Variants in ATXN1 observed in about 807,000 individuals in gnomAD.
ATXN1 encodes ataxin 1.
Under a neutral mutation model 56.4 loss-of-function variants are expected in ATXN1, and 8 were observed. The ratio of observed to expected loss-of-function variants is 0.14; its 90% CI spans 0.08 to 0.26. The LOEUF is 0.26. Among genes scored for constraint, ATXN1 ranks in the 10% least tolerant of loss-of-function variants. The pLI is 1.00. For synonymous variants in ATXN1, 514 were observed against 494.6 expected, an observed-to-expected ratio of 1.04 and a Z score of -0.52; for missense variants, 987 against 1,106.5, an observed-to-expected ratio of 0.89 and a Z score of 1.53.
chr6:16,686,583 A>G (rs191356121), intron 2 of ATXN1, among the ~76,000 whole-genome samples: 1 of 152,326 alleles, frequency 6.6e-6, no homozygotes, highest in Non-Finnish European at 1.5e-5. Context: ...ATTCTTGACC[A>G]CTCGAGCTAC....
chr6:16,451,235 A>G (rs1395007263), intron 6 of ATXN1, among the ~76,000 whole-genome samples: 1 of 152,246 alleles, frequency 6.6e-6, no homozygotes, highest in Non-Finnish European at 1.5e-5. Flanking sequence ...TGGGATGCCC[A>G]GGTGGGTGGA....
chr6:16,594,481 T>C (rs1762779496), intron 3 of ATXN1, among the ~76,000 whole-genome samples: 2 of 151,626 alleles, frequency 1.3e-5, no homozygotes, highest in Non-Finnish European at 2.9e-5. Context: ...TCCTTTTTTT[T>C]TTTTTATTTA....
At chr6:16,584,087 T>C (rs1262731592) in intron 4 of ATXN1, among the ~76,000 whole-genome samples, 1 of 151,872 alleles carries the variant, frequency 6.6e-6, no homozygotes, top group East Asian at 1.9e-4. Flanking sequence ...CAAAGTAACT[T>C]GCCCAATGTC....
intron 4 of ATXN1, among the ~76,000 whole-genome samples, chr6:16,579,416 G>T (rs976702661): frequency 7.5e-6 from 1 of 133,312 alleles, no homozygotes; most frequent in African/African-American, 2.5e-5. Context: ...ACCTCTGAGA[G>T]CAAACCACTC....
At chr6:16,443,930 C>T (rs186243918) in intron 6 of ATXN1, among the ~76,000 whole-genome samples, 5 of 152,218 alleles carry the variant, frequency 3.3e-5, no homozygotes, top group Admixed American at 3.3e-4. Context: ...TCCTGGCTAA[C>T]ACAGTGAAAC....
At position 16,306,639 on chromosome 6, in the gene ATXN1, G is replaced by A. The variant is rs750489966; in HGVS notation, c.2138C>T (p.Ala713Val). 6 of 1,614,234 alleles carry A rather than the reference G, an allele frequency of 3.7e-6. No individual in the cohort carries two copies. Among genetic ancestry groups the A allele is most frequent in the Non-Finnish European group, 3.4e-6 (4 of 1,180,044 alleles). ...PASVLLKHSK[A>V]DGLAGSRHRY... Reference sequence around the variant, plus strand: ...GTGTCTGCTGCCCGCCAGGCCGTCGGCCTTTGAGTGCTTCAGCAGGACGCT... The same window carrying A: ...GTGTCTGCTGCCCGCCAGGCCGTCGACCTTTGAGTGCTTCAGCAGGACGCT... The change falls in exon 8 of 8, where the codon GCC becomes GTC. Residue 713 changes from alanine (A) to valine (V), a missense_variant. This residue lies in a region of ATXN1 where 196 missense variants were observed against 196.7 expected (regional missense o/e 1.00). Coordinates refer to ENST00000436367, the MANE Select transcript of ATXN1 (RefSeq NM_001128164.2). This position sits in a 1 kb window ranked among gnomAD's most constrained non-coding sequence, Gnocchi z 5.2.
intron 7 of ATXN1, among the ~76,000 whole-genome samples, chr6:16,309,145 T>A (rs1760326373): frequency 6.6e-6 from 1 of 151,264 alleles, no homozygotes; most frequent in Non-Finnish European, 1.5e-5. Context: ...CAGGAGGATC[T>A]TGAGCCCAGG....
chr6:16,624,294 T>G (rs1212504034), intron 3 of ATXN1, among the ~76,000 whole-genome samples: 1 of 144,096 alleles, frequency 6.9e-6, no homozygotes, highest in East Asian at 2.0e-4. Context: ...GAGGTTGCAG[T>G]GAACTGAGAT....
chr6:16,412,963 C>G (rs1328836755), intron 6 of ATXN1, among the ~76,000 whole-genome samples: 2 of 152,126 alleles, frequency 1.3e-5, no homozygotes, highest in Non-Finnish European at 2.9e-5. Flanking sequence ...CTGGCCACAG[C>G]AAGAAGTATG....
intron 5 of ATXN1, 83 bp from the exon 6 acceptor site, chr6:16,486,192 C>T (rs1026561048): frequency 3.3e-5 from 5 of 152,188 alleles, no homozygotes; most frequent in African/African-American, 9.7e-5. Flanking sequence ...TACAGTCTCA[C>T]GACCAATTAG....
At chr6:16,665,506 A>G (rs1758405997) in intron 2 of ATXN1, among the ~76,000 whole-genome samples, 1 of 127,846 alleles carries the variant, frequency 7.8e-6, no homozygotes. Flanking sequence ...CATAAAAATA[A>G]TCTTGATCTT....
chr6:16,370,279 G>C (rs1239123730), intron 6 of ATXN1, among the ~76,000 whole-genome samples: 1 of 152,078 alleles, frequency 6.6e-6, no homozygotes, highest in African/African-American at 2.4e-5. Flanking sequence ...ACCCCCGCCG[G>C]ACATATTTCA....
At chr6:16,636,020 G>A (rs1763590730) in intron 3 of ATXN1, among the ~76,000 whole-genome samples, 1 of 152,100 alleles carries the variant, frequency 6.6e-6, no homozygotes, top group Non-Finnish European at 1.5e-5. Flanking sequence ...AAAGTCACTC[G>A]CCCGTGGAGA....
At chr6:16,416,314 T>G (rs952325481) in intron 6 of ATXN1, among the ~76,000 whole-genome samples, 10 of 152,230 alleles carry the variant, frequency 6.6e-5, no homozygotes. Context: ...GTAAAATGAC[T>G]TCCTCCTAAA....
At chr6:16,486,714 A>C (rs1449417580) in intron 5 of ATXN1, among the ~76,000 whole-genome samples, 1 of 152,154 alleles carries the variant, frequency 6.6e-6, no homozygotes, top group African/African-American at 2.4e-5. Flanking sequence ...CGGGAAAAAG[A>C]AAGTGAAGGC....
intron 6 of ATXN1, among the ~76,000 whole-genome samples, chr6:16,368,717 G>A (rs1212474984): frequency 6.6e-6 from 1 of 152,056 alleles, no homozygotes; most frequent in African/African-American, 2.4e-5. Context: ...AATGTGATGA[G>A]GAATAGTAAT....
At chr6:16,408,108 C>T (rs970238116) in intron 6 of ATXN1, among the ~76,000 whole-genome samples, 4 of 152,054 alleles carry the variant, frequency 2.6e-5, no homozygotes, top group Non-Finnish European at 5.9e-5. Flanking sequence ...CAGGAAGAGA[C>T]CGTGGGGCCA....
chr6:16,398,603 TGTGA>T (rs1476707909), intron 6 of ATXN1, among the ~76,000 whole-genome samples: 16 of 152,352 alleles, frequency 1.1e-4, no homozygotes, highest in African/African-American at 3.8e-4. Context: ...ACGTGTGTTT[TGTGA>T]GTGTGTATGT....
intron 2 of ATXN1, among the ~76,000 whole-genome samples, chr6:16,659,036 T>C (rs1758263129): frequency 1.3e-5 from 2 of 152,230 alleles, no homozygotes. Context: ...AACCTTTTTT[T>C]CGGGACGTTT....
Sources: gnomAD v4.1 joint callset for allele counts (sites outside exome capture counted in the v4.1 genomes callset) on GRCh38, gnomAD v4.1.1 for gene constraint, gnomAD v4.1.1 regional missense constraint, Gnocchi (gnomAD v3.1) non-coding constraint, MANE v1.5 for transcripts, NCBI Gene and HGNC (gene_info 2026-07-23, HGNC 2026-07-21) for gene names.